KSR1: variants seen among roughly 807,000 people sequenced by gnomAD.
KSR1 encodes kinase suppressor of ras.
In KSR1, 35 loss-of-function variants were observed where a neutral mutation model predicts 92.9. That is an observed-to-expected ratio of 0.38 (90% CI 0.29 to 0.50). The LOEUF (loss-of-function observed/expected upper bound fraction) is 0.50. Among genes scored for constraint, KSR1 ranks in the 20% least tolerant of loss-of-function variants. The pLI is 0.94. For synonymous variants in KSR1, 467 were observed against 472.6 expected, an observed-to-expected ratio of 0.99 and a Z score of 0.15; for missense variants, 972 against 1,158.5, an observed-to-expected ratio of 0.84 and a Z score of 2.34.
chr17:27,524,612 G>A (rs1000081608), intron 1 of KSR1, among the ~76,000 whole-genome samples: 8 of 152,240 alleles, frequency 5.3e-5, no homozygotes, highest in Non-Finnish European at 1.2e-4. Context: ...TGTAGAGCAT[G>A]AAACTGGTAA....
intron 1 of KSR1, among the ~76,000 whole-genome samples, chr17:27,473,301 G>A (rs2020122203): frequency 6.6e-6 from 1 of 152,254 alleles, no homozygotes; most frequent in African/African-American, 2.4e-5. Flanking sequence ...AGGCTTTGGT[G>A]ATGCTTAGCA....
intron 2 of KSR1, among the ~76,000 whole-genome samples, chr17:27,551,303 C>A (rs1380143490): frequency 6.6e-6 from 1 of 152,170 alleles, no homozygotes; most frequent in South Asian, 2.1e-4. Context: ...CCAGCATACT[C>A]GGAGTGTGTA....
chr17:27,527,041 C>A, intron 1 of KSR1: 2 of 464,316 alleles, frequency 4.3e-6, no homozygotes, highest in East Asian at 4.3e-5. Context: ...AGGGACAGCT[C>A]GGCTGAGAGT....
rs531351331 is a variant in KSR1, at chr17:27,494,151, TA to T, written c.231+37288del. On this transcript the variant is annotated intron_variant, in intron 1 of 20. Transcript: ENST00000644974. ...CCCACTCCGCTGTCTGACAGCAGGT[TA>T]AAAAAAAAAATTACAAAGAGCTTCC... 3.8e-3 allele frequency among the ~76,000 whole-genome samples: 557 copies of T among 148,314 alleles called. 3 individuals are homozygous for T. The highest frequency in any genetic ancestry group is 0.012 in the African/African-American group (498 of 40,760).
chr17:27,560,464 G>A (rs749391976), intron 2 of KSR1: 1 of 519,058 alleles, frequency 1.9e-6, no homozygotes, highest in Admixed American at 1.9e-5. Flanking sequence ...CTGGTAAGGG[G>A]ATTTTTGTTG....
At chr17:27,590,920 G>A (rs759757285) in intron 7 of KSR1, 26 bp downstream of exon 7, 2 of 1,585,464 alleles carry the variant, frequency 1.3e-6, no homozygotes, top group South Asian at 1.1e-5. Flanking sequence ...GTGGGGGTGG[G>A]GGGAGCAGAC....
intron 6 of KSR1, among the ~76,000 whole-genome samples, 170 bp from the exon 7 acceptor site, chr17:27,590,641 G>A (rs1317158530): frequency 6.6e-6 from 1 of 152,336 alleles, no homozygotes; most frequent in South Asian, 2.1e-4. Context: ...TTAAATGTGA[G>A]GGGAGAAGCA....
chr17:27,569,469 C>T (rs2072220408), intron 2 of KSR1, among the ~76,000 whole-genome samples: 1 of 152,222 alleles, frequency 6.6e-6, no homozygotes, highest in South Asian at 2.1e-4. Flanking sequence ...GGCCCAGGGC[C>T]ACCAGCAGGT....
rs145652869 is a variant in KSR1 at position 27,615,293 on chromosome 17, G to C, written c.2494-2002G>C. Among the ~76,000 whole-genome samples, 173 of 152,338 alleles carry C rather than the reference G, an allele frequency of 1.1e-3. 2 individuals carry two copies. Among genetic ancestry groups the C allele is most frequent in the Middle Eastern group, 3.4e-3 (1 of 294 alleles). On this transcript the variant is annotated intron_variant, in intron 18 of 20. Coordinates refer to ENST00000644974, the MANE Select transcript of KSR1 (RefSeq NM_001394583.1). ...TGATGGAGGCTGAAAGTGAAAAGATGATGAACAGTGTATACACTACTATAG... is the reference window on the plus strand; with the variant it reads ...TGATGGAGGCTGAAAGTGAAAAGATCATGAACAGTGTATACACTACTATAG...
chr17:27,526,955 C>A, intron 1 of KSR1: 1 of 593,588 alleles, frequency 1.7e-6, no homozygotes, highest in Non-Finnish European at 3.1e-6. Context: ...CCTTCTCTCT[C>A]CTTTCATGGG....
At chr17:27,576,973 T>TG in intron 2 of KSR1, among the ~76,000 whole-genome samples, 1 of 152,100 alleles carries the variant, frequency 6.6e-6, no homozygotes, top group Non-Finnish European at 1.5e-5. Flanking sequence ...ATCTGTCAGG[T>TG]GGGGCCAGTG....
intron 9 of KSR1, among the ~76,000 whole-genome samples, chr17:27,593,951 C>T (rs1647034898): frequency 6.6e-6 from 1 of 152,198 alleles, no homozygotes; most frequent in African/African-American, 2.4e-5. Context: ...TCCATGAGGG[C>T]TCCAGTCCTG....
chr17:27,478,232 T>C lies in KSR1; in HGVS notation c.231+21358T>C, dbSNP rs373653453. On this transcript the variant is annotated intron_variant, in intron 1 of 20. Coordinates refer to ENST00000644974, the MANE Select transcript of KSR1 (RefSeq NM_001394583.1). Reference sequence around the variant, plus strand: ...TAACCTCACAGCATTCCTAGGAAAATAACACAAACCGGTATAAAAGGGGAT... The same window carrying C: ...TAACCTCACAGCATTCCTAGGAAAACAACACAAACCGGTATAAAAGGGGAT... 2.0e-5 allele frequency among the ~76,000 whole-genome samples: 3 copies of C among 152,230 alleles called. No homozygotes were observed. The East Asian group carries it at 5.8e-4, about 29-fold the overall frequency.
chr17:27,583,386 C>T (rs1477734370), intron 4 of KSR1, among the ~76,000 whole-genome samples: 1 of 152,226 alleles, frequency 6.6e-6, no homozygotes, highest in African/African-American at 2.4e-5. Context: ...CCCAAATCAC[C>T]AGGTCTTAAA....
At chr17:27,495,992 G>A (rs1029413496) in intron 1 of KSR1, among the ~76,000 whole-genome samples, 1 of 152,204 alleles carries the variant, frequency 6.6e-6, no homozygotes. Flanking sequence ...TCTTTATGCA[G>A]GCAGATAGTA....
At chr17:27,505,272 CGTT>C (rs1351054250) in intron 1 of KSR1, among the ~76,000 whole-genome samples, 2 of 152,170 alleles carry the variant, frequency 1.3e-5, no homozygotes, top group Admixed American at 1.3e-4. Flanking sequence ...GACCTGAACT[CGTT>C]GTGGGCTCTA....
chr17:27,563,539 G>C (rs1217578232), intron 2 of KSR1, among the ~76,000 whole-genome samples: 3 of 152,132 alleles, frequency 2.0e-5, no homozygotes, highest in Non-Finnish European at 4.4e-5. Flanking sequence ...TTACAGGCAC[G>C]AGCCACCGAG....
intron 1 of KSR1, among the ~76,000 whole-genome samples, chr17:27,497,619 CTTGTT>C (rs2069036102): frequency 6.6e-6 from 1 of 152,294 alleles, no homozygotes; most frequent in East Asian, 1.9e-4. Flanking sequence ...TTCAGTTATG[CTTGTT>C]TTTATGGAAA....
At chr17:27,579,797 A>G (rs12450820) in intron 3 of KSR1, 21,607 of 143,138 alleles carry the variant, frequency 0.15, 1,731 homozygotes, top group Admixed American at 0.25. Context: ...CATGGCTTGA[A>G]CCTGGGAGAT....
Sources: gnomAD v4.1 joint callset for allele counts (sites outside exome capture counted in the v4.1 genomes callset) on GRCh38, gnomAD v4.1.1 for gene constraint, MANE v1.5 for transcripts, NCBI Gene and HGNC (gene_info 2026-07-23, HGNC 2026-07-21) for gene names.